CD99: variants seen among roughly 807,000 people sequenced by gnomAD.
CD99 encodes CD99 molecule (Xg blood group).
CD99 carries 19 observed loss-of-function variants against 28.4 expected under a neutral mutation model. The ratio of observed to expected loss-of-function variants is 0.67; its 90% CI spans 0.47 to 0.98. The LOEUF (loss-of-function observed/expected upper bound fraction) is 0.98, where lower values mean the gene tolerates loss of function less well. Among genes scored for constraint, CD99 ranks in the 50% least tolerant of loss-of-function variants. CD99 has a pLI of 0.00. For missense variants in CD99, 283 were observed against 248.8 expected (o/e 1.14, Z -0.92); for synonymous variants, 103 against 92.1 (o/e 1.12, Z -0.67).
chrX:2,716,984 T>G (rs1278006492), intron 2 of CD99, among the ~76,000 whole-genome samples: 2 of 150,786 alleles, frequency 1.3e-5, no homozygotes, highest in African/African-American at 4.9e-5. Context: ...AAGGGCAGTT[T>G]TTCTCCTAAC....
intron 8 of CD99, 199 bp downstream of exon 8, chrX:2,726,572 G>A (rs2049296239): frequency 4.4e-6 from 3 of 678,068 alleles, no homozygotes; most frequent in Non-Finnish European, 8.1e-6. Context: ...TTTGTTGTGT[G>A]AAAGTTTACA....
intron 9 of CD99, among the ~76,000 whole-genome samples, chrX:2,738,753 G>A (rs1021001259): frequency 2.0e-5 from 3 of 151,526 alleles, no homozygotes; most frequent in South Asian, 4.2e-4. Context: ...AGTGGCACAC[G>A]ATTGGTGCAT....
intron 1 of CD99, among the ~76,000 whole-genome samples, chrX:2,704,624 T>A (rs311049): frequency 2.6e-5 from 4 of 151,356 alleles, no homozygotes; most frequent in Non-Finnish European, 3.0e-5. Context: ...GGGTTTTGCC[T>A]TGTTGGCCAG....
chrX:2,692,419 A>G (rs1348838724), intron 1 of CD99, among the ~76,000 whole-genome samples: 1 of 152,116 alleles, frequency 6.6e-6, no homozygotes, highest in Non-Finnish European at 1.5e-5. Context: ...AGGAGGCCCG[A>G]TTTGTGTTGA....
rs762064648 is a variant in CD99 at position 2,695,397 on chromosome X, G to A, written c.67+3970G>A. On this transcript the variant is annotated intron_variant, in intron 1 of 9. Transcript: ENST00000381192. The stretch of plus-strand genomic sequence containing the variant: ...TTTTTGTATGTTTAGTAGAGAAGGG[G>A]TTTCACTATGTTGACCAGGCTGAAA... Among the ~76,000 whole-genome samples, 6 of 152,014 alleles carry A rather than the reference G, an allele frequency of 3.9e-5. No homozygotes were observed. The South Asian group carries it at 1.0e-3, about 26-fold the overall frequency.
chrX:2,740,839 G>A lies in CD99; in HGVS notation c.*35G>A. ...GGCAGAAACAGCCCAGGCGTTGGCA[G>A]CAGGGTTAGAACAGCTGCCTGAGGC... On this transcript the variant is annotated 3_prime_UTR_variant, in exon 10 of 10. Transcript: ENST00000381192. 1.2e-6 allele frequency: 2 copies of A among 1,613,430 alleles called. No individual in the cohort carries two copies. The highest frequency in any genetic ancestry group is 1.7e-6 in the Non-Finnish European group (2 of 1,179,356).
At chrX:2,715,660 C>G (rs1369248390) in intron 2 of CD99, 1 of 152,076 alleles carries the variant, frequency 6.6e-6, no homozygotes, top group Non-Finnish European at 1.5e-5. Flanking sequence ...GTAGATATAT[C>G]TTTTGCGGGG....
At chrX:2,723,431 C>G (rs2049104013) in intron 7 of CD99, 67 bp downstream of exon 7, 1 of 1,572,194 alleles carries the variant, frequency 6.4e-7, no homozygotes, top group Non-Finnish European at 8.8e-7. Flanking sequence ...AGCAGAATGT[C>G]TGAGAGCTGG....
At chrX:2,711,398 A>G (rs1250492498) in intron 1 of CD99, among the ~76,000 whole-genome samples, 1 of 129,928 alleles carries the variant, frequency 7.7e-6, no homozygotes, top group East Asian at 2.2e-4. Flanking sequence ...GTGTATATAT[A>G]GTATGTGTGT....
At chrX:2,725,196 C>A (rs928713882) in intron 7 of CD99, among the ~76,000 whole-genome samples, 1 of 151,456 alleles carries the variant, frequency 6.6e-6, no homozygotes, top group Non-Finnish European at 1.5e-5. Context: ...GCTGGGAGTT[C>A]GAGATCAGAC....
intron 2 of CD99, among the ~76,000 whole-genome samples, chrX:2,716,819 C>T (rs1182262437): frequency 2.6e-5 from 4 of 152,184 alleles, no homozygotes; most frequent in Non-Finnish European, 5.9e-5. Flanking sequence ...TTACAGCCTC[C>T]ACCTGATTTG....
At chrX:2,691,812 CCG>C in intron 1 of CD99, 2 of 775,766 alleles carry the variant, frequency 2.6e-6, no homozygotes, top group Non-Finnish European at 4.8e-6. Context: ...CGTCTTCAGG[CCG>C]CGCGCGGAGG....
At chrX:2,697,832 A>G (rs1032411622) in intron 1 of CD99, among the ~76,000 whole-genome samples, 12 of 151,976 alleles carry the variant, frequency 7.9e-5, no homozygotes, top group African/African-American at 2.9e-4. Context: ...TCAGCACAAA[A>G]TGTTCTCAGC....
At chrX:2,717,339 C>T in intron 2 of CD99, 1 of 437,404 alleles carries the variant, frequency 2.3e-6, no homozygotes, top group Admixed American at 3.9e-5. Flanking sequence ...CAGAGCAAGA[C>T]TTGGTCTCAA....
At chrX:2,726,537 A>G in intron 8 of CD99, 164 bp downstream of exon 8, 1 of 696,830 alleles carries the variant, frequency 1.4e-6, no homozygotes, top group Non-Finnish European at 2.6e-6. Context: ...TCTGGCTTTG[A>G]TTTCAGGGCT....
At chrX:2,705,228 G>A (rs749804507) in intron 1 of CD99, among the ~76,000 whole-genome samples, 4 of 152,262 alleles carry the variant, frequency 2.6e-5, no homozygotes, top group African/African-American at 7.2e-5. Context: ...TGGTGAACTC[G>A]GAGTTCCTTG....
chrX:2,725,760 C>T (rs1438364952), intron 7 of CD99, among the ~76,000 whole-genome samples: 3 of 152,120 alleles, frequency 2.0e-5, no homozygotes, highest in Admixed American at 1.3e-4. Flanking sequence ...ATTAAAGGCA[C>T]CCACCCTTAC....
At chrX:2,712,499 T>C (rs985397121) in intron 1 of CD99, among the ~76,000 whole-genome samples, 1 of 152,194 alleles carries the variant, frequency 6.6e-6, no homozygotes, top group Non-Finnish European at 1.5e-5. Context: ...TATATTTATA[T>C]GTGCGTGTGT....
intron 1 of CD99, among the ~76,000 whole-genome samples, chrX:2,712,339 C>T (rs775834308): frequency 2.7e-4 from 41 of 152,050 alleles, no homozygotes; most frequent in Admixed American, 2.5e-3. Context: ...AGTAAGAATG[C>T]GTTGCATACT....
Sources: gnomAD v4.1 joint callset for allele counts (sites outside exome capture counted in the v4.1 genomes callset) on GRCh38, gnomAD v4.1.1 for gene constraint, MANE v1.5 for transcripts, NCBI Gene and HGNC (gene_info 2026-07-23, HGNC 2026-07-21) for gene names.